Variants in ABLIM1 observed in about 807,000 individuals in gnomAD.
The protein encoded by ABLIM1 is actin-binding LIM protein 1.
ABLIM1 carries 40 observed loss-of-function variants against 107.0 expected under a neutral mutation model. The ratio of observed to expected loss-of-function variants is 0.37; its 90% CI spans 0.29 to 0.49. The LOEUF is 0.49. ABLIM1 is among the 20% of genes least tolerant of loss of function. ABLIM1 has a pLI of 0.97. For synonymous variants in ABLIM1, 357 were observed against 357.3 expected (o/e 1.00, Z 0.01); for missense variants, 857 against 1,008.5 (o/e 0.85, Z 2.04).
intron 1 of ABLIM1, among the ~76,000 whole-genome samples, chr10:114,732,554 C>A (rs1342964776): frequency 6.6e-6 from 1 of 152,104 alleles, no homozygotes; most frequent in Non-Finnish European, 1.5e-5. Flanking sequence ...TCATTTAAAG[C>A]ACAAAAGATT....
At chr10:114,757,368 A>G (rs2082652992) in intron 1 of ABLIM1, among the ~76,000 whole-genome samples, 1 of 152,198 alleles carries the variant, frequency 6.6e-6, no homozygotes, top group African/African-American at 2.4e-5. Flanking sequence ...ATTTTCTCTA[A>G]CTGTAAAATA....
intron 4 of ABLIM1, among the ~76,000 whole-genome samples, chr10:114,552,405 T>C (rs148100853): frequency 6.7e-6 from 1 of 150,142 alleles, no homozygotes; most frequent in Non-Finnish European, 1.5e-5. Context: ...ACGTCAGAAG[T>C]AGGTGAATAT....
chr10:114,726,503 CA>C (rs2081962770), intron 1 of ABLIM1, among the ~76,000 whole-genome samples: 1 of 152,148 alleles, frequency 6.6e-6, no homozygotes, highest in Admixed American at 6.5e-5. Flanking sequence ...AGATTTTAAA[CA>C]ACCAGAGATC....
At chr10:114,731,529 T>A (rs147505289) in intron 1 of ABLIM1, among the ~76,000 whole-genome samples, 2,858 of 151,972 alleles carry the variant, frequency 0.019, 51 homozygotes, top group Admixed American at 0.03. Context: ...TGGCATGACC[T>A]TGGCTCACTG....
chr10:114,758,513 C>A (rs189267573), intron 1 of ABLIM1, among the ~76,000 whole-genome samples: 69 of 152,278 alleles, frequency 4.5e-4, no homozygotes, highest in Non-Finnish European at 7.6e-4. Context: ...TTGCCAACCC[C>A]AAACCTCTTT....
rs1384049821 is a variant in ABLIM1 at position 114,453,445 on chromosome 10, A to G, written c.1480T>C (p.Tyr494His). 1 of 1,612,996 alleles carries G rather than the reference A, an allele frequency of 6.2e-7. No individual in the cohort carries two copies. The highest frequency in any genetic ancestry group is 1.1e-5 in the South Asian group (1 of 90,966). Reference sequence around the variant, plus strand: ...GTTAGAGGGCGGCTGTCTGGCCGGTAAGGGAGAGGGGAGTTCCGGCCGCTG... The same window carrying G: ...GTTAGAGGGCGGCTGTCTGGCCGGTGAGGGAGAGGGGAGTTCCGGCCGCTG... ...PSSGRNSPLPYRPDSRPLTPT... is the reference protein window; with the variant it reads ...PSSGRNSPLPHRPDSRPLTPT... The change falls in exon 13 of 23, where the codon TAC (tyrosine) becomes CAC (histidine). Residue 494 changes from tyrosine (Y) to histidine (H), a missense_variant. Transcript: ENST00000533213.
intron 1 of ABLIM1, among the ~76,000 whole-genome samples, chr10:114,648,418 A>C (rs1231798548): frequency 6.6e-6 from 1 of 152,238 alleles, no homozygotes; most frequent in Non-Finnish European, 1.5e-5. Flanking sequence ...AAGTAAAAGA[A>C]GCTAGACACA....
At chr10:114,632,796 G>C in intron 1 of ABLIM1, 1 of 985,276 alleles carries the variant, frequency 1.0e-6, no homozygotes. Context: ...GCATATACCA[G>C]GGAGGAACTC....
At chr10:114,702,687 C>T (rs1275963847) in intron 1 of ABLIM1, among the ~76,000 whole-genome samples, 6 of 151,950 alleles carry the variant, frequency 3.9e-5, no homozygotes, top group African/African-American at 1.2e-4. Flanking sequence ...CCACCACGCC[C>T]GGCTAATTTT....
At chr10:114,444,941 G>A (rs1448028096) in intron 16 of ABLIM1, among the ~76,000 whole-genome samples, 1 of 152,196 alleles carries the variant, frequency 6.6e-6, no homozygotes, top group Non-Finnish European at 1.5e-5. Context: ...ACTGCATGAG[G>A]GAAGGAAGGT....
intron 12 of ABLIM1, among the ~76,000 whole-genome samples, chr10:114,458,142 T>C (rs1390456373): frequency 6.6e-6 from 1 of 151,872 alleles, no homozygotes; most frequent in Non-Finnish European, 1.5e-5. Context: ...AGTACATATA[T>C]ATATATATAT....
chr10:114,628,648 G>A (rs2077974157), intron 1 of ABLIM1, among the ~76,000 whole-genome samples: 1 of 152,152 alleles, frequency 6.6e-6, no homozygotes, highest in South Asian at 2.1e-4. Context: ...AAAATGATGT[G>A]CCTAAACGTA....
chr10:114,704,265 T>C (rs2081361896), intron 1 of ABLIM1, among the ~76,000 whole-genome samples: 1 of 80,404 alleles, frequency 1.2e-5, no homozygotes, highest in South Asian at 4.8e-4. Context: ...ACTCTATCTC[T>C]CTCTCGCTCT....
At chr10:114,438,121 T>G (rs773054641) in intron 21 of ABLIM1, among the ~76,000 whole-genome samples, 197 bp from the exon 22 acceptor site, 15 of 152,168 alleles carry the variant, frequency 9.9e-5, no homozygotes, top group Non-Finnish European at 1.6e-4. Flanking sequence ...TTAGACATTC[T>G]CAACTTTCCA....
intron 10 of ABLIM1, among the ~76,000 whole-genome samples, chr10:114,471,266 T>C (rs2066487186): frequency 6.6e-6 from 1 of 152,156 alleles, no homozygotes; most frequent in Non-Finnish European, 1.5e-5. Flanking sequence ...TTTACTGCCT[T>C]GATGGAGCTG....
rs187733163 is a variant in ABLIM1 at position 114,589,126 on chromosome 10, T to C, written c.379+12701A>G. On this transcript the variant is annotated intron_variant, in intron 2 of 22. Transcript: ENST00000533213. ...GTTTTAAAAACACAAATTTTAAAGA[T>C]AGAGAAAAGCTTATAGAACAAGGAT... Among the ~76,000 whole-genome samples, 377 of 151,598 alleles carry C rather than the reference T, an allele frequency of 2.5e-3. 3 individuals carry two copies. Among genetic ancestry groups the C allele is most frequent in the African/African-American group, 8.9e-3 (366 of 41,304 alleles).
the ABLIM1 span, among the ~76,000 whole-genome samples, chr10:114,794,466 T>C: frequency 6.6e-6 from 1 of 152,212 alleles, no homozygotes; most frequent in African/African-American, 2.4e-5. Flanking sequence ...GAACCATTTA[T>C]AGGTTCATTT....
chr10:114,671,938 A>T (rs1432252689), intron 1 of ABLIM1, among the ~76,000 whole-genome samples: 2 of 150,854 alleles, frequency 1.3e-5, no homozygotes, highest in Non-Finnish European at 3.0e-5. Context: ...TCATAGCTCA[A>T]TGCAGCCTCC....
chr10:114,566,363 T>C (rs775417619), intron 4 of ABLIM1, among the ~76,000 whole-genome samples: 5 of 151,936 alleles, frequency 3.3e-5, no homozygotes, highest in Non-Finnish European at 7.4e-5. Flanking sequence ...CTGTAGGAAA[T>C]GACAACCCAA....
Sources: allele counts gnomAD v4.1 joint callset (sites outside exome capture counted in the v4.1 genomes callset), GRCh38; gene constraint gnomAD v4.1.1; transcripts MANE v1.5; gene names NCBI Gene and HGNC (gene_info 2026-07-23, HGNC 2026-07-21).